Variants in CHODL observed in about 807,000 individuals in gnomAD.
CHODL encodes transmembrane protein MT75.
CHODL carries 29 observed loss-of-function variants against 34.5 expected under a neutral mutation model. The observed-to-expected ratio is 0.84, with a 90% confidence interval of 0.63 to 1.15. The LOEUF (loss-of-function observed/expected upper bound fraction) is 1.15. Among genes scored for constraint, CHODL ranks in the 50% most tolerant of loss-of-function variants. The probability of loss-of-function intolerance (pLI) is 0.00; values close to 1 mark genes in which losing one functional copy is unlikely to be tolerated. For synonymous variants in CHODL, 125 were observed against 116.1 expected, an observed-to-expected ratio of 1.08 and a Z score of -0.49; for missense variants, 332 against 332.5, an observed-to-expected ratio of 1.00 and a Z score of 0.01.
At chr21:18,202,998 T>C (rs2073672043) in intron 2 of CHODL, among the ~76,000 whole-genome samples, 1 of 152,210 alleles carries the variant, frequency 6.6e-6, no homozygotes, top group Non-Finnish European at 1.5e-5. Flanking sequence ...CTGTCTGATA[T>C]ACATAAAAAA....
intron 2 of CHODL, among the ~76,000 whole-genome samples, chr21:18,221,923 T>A (rs1458313411): frequency 6.6e-6 from 1 of 152,166 alleles, no homozygotes; most frequent in Non-Finnish European, 1.5e-5. Context: ...GAATGGTGGG[T>A]CTATCCTTGG....
chr21:18,067,442 G>A (rs1033655004), intron 2 of CHODL, among the ~76,000 whole-genome samples: 1 of 152,114 alleles, frequency 6.6e-6, no homozygotes, highest in African/African-American at 2.4e-5. Context: ...GGGAGAAACC[G>A]GGGTGATGTT....
chr21:18,246,498 T>A (rs373210803), intron 1 of CHODL, among the ~76,000 whole-genome samples: 64 of 152,318 alleles, frequency 4.2e-4, no homozygotes, highest in African/African-American at 1.4e-3. Context: ...AGTTCTTACA[T>A]GTGTAGTTAC....
chr21:17,930,788 T>G (rs2063266156), intron 1 of CHODL, among the ~76,000 whole-genome samples: 1 of 152,184 alleles, frequency 6.6e-6, no homozygotes. Context: ...CCCACCTGCA[T>G]GTACTGTAAG....
At chr21:18,215,176 G>A (rs903559500) in intron 2 of CHODL, among the ~76,000 whole-genome samples, 2 of 151,264 alleles carry the variant, frequency 1.3e-5, no homozygotes, top group East Asian at 1.9e-4. Context: ...AGAGAACTCA[G>A]GCTTATTTGC....
chr21:18,142,003 A>C (rs2072809469), intron 2 of CHODL, among the ~76,000 whole-genome samples: 1 of 152,124 alleles, frequency 6.6e-6, no homozygotes, highest in East Asian at 1.9e-4. Context: ...CTGTTTAATG[A>C]GTGTTATAAG....
chr21:18,044,127 G>T (rs1276312312), intron 2 of CHODL, among the ~76,000 whole-genome samples: 1 of 151,996 alleles, frequency 6.6e-6, no homozygotes, highest in African/African-American at 2.4e-5. Flanking sequence ...AAGGTAGAAA[G>T]TATTGGTAAA....
intron 1 of CHODL, among the ~76,000 whole-genome samples, chr21:17,983,302 A>G (rs1305360613): frequency 2.0e-5 from 3 of 152,232 alleles, no homozygotes; most frequent in Admixed American, 6.5e-5. Flanking sequence ...TAGAGCATTT[A>G]CATCATTTAA....
intron 2 of CHODL, among the ~76,000 whole-genome samples, chr21:18,075,307 T>C (rs1435121061): frequency 6.6e-6 from 1 of 152,202 alleles, no homozygotes; most frequent in East Asian, 1.9e-4. Context: ...TTCATGTCTG[T>C]GGTTTCAGGC....
At chr21:18,201,800 CTTTTT>C (rs547855975) in intron 2 of CHODL, among the ~76,000 whole-genome samples, 1 of 114,412 alleles carries the variant, frequency 8.7e-6, no homozygotes, top group African/African-American at 3.4e-5. Context: ...TTTTTAAAAA[CTTTTT>C]TTTTTTTTTT....
At chr21:18,242,840 A>G (rs2074094920), upstream of CHODL, among the ~76,000 whole-genome samples, 1 of 152,202 alleles carries the variant, frequency 6.6e-6, no homozygotes, top group Non-Finnish European at 1.5e-5. Context: ...AATACCATGA[A>G]GATCCTTCCT....
chr21:18,080,052 C>T (rs1220470619), intron 2 of CHODL, among the ~76,000 whole-genome samples: 2 of 151,956 alleles, frequency 1.3e-5, no homozygotes, highest in African/African-American at 4.8e-5. Context: ...GATGGTATCT[C>T]TTGTGGTTTT....
intron 2 of CHODL, among the ~76,000 whole-genome samples, chr21:18,032,898 T>A (rs2064264320): frequency 6.6e-6 from 1 of 152,004 alleles, no homozygotes; most frequent in South Asian, 2.1e-4. Context: ...AAATAGCTAT[T>A]GAGTGCTTAT....
intron 1 of CHODL, among the ~76,000 whole-genome samples, chr21:18,027,682 T>C (rs187825459): frequency 2.0e-5 from 3 of 152,302 alleles, no homozygotes; most frequent in Non-Finnish European, 4.4e-5. Context: ...CAGTTTGCTA[T>C]AGACTGAATG....
chr21:18,229,999 T>C (rs1336247672), intron 2 of CHODL, among the ~76,000 whole-genome samples: 1 of 152,136 alleles, frequency 6.6e-6, no homozygotes, highest in African/African-American at 2.4e-5. Flanking sequence ...TGGGGAATTA[T>C]ACTCCTCCCA....
At chr21:18,141,038 T>C (rs2072795049) in intron 2 of CHODL, among the ~76,000 whole-genome samples, 1 of 152,010 alleles carries the variant, frequency 6.6e-6, no homozygotes, top group Non-Finnish European at 1.5e-5. Flanking sequence ...AGTTACTGGG[T>C]GAGTCCAACT....
At chr21:18,263,900 C>CTTTTTT (rs2074413245) in intron 5 of CHODL, among the ~76,000 whole-genome samples, 2 of 140,392 alleles carry the variant, frequency 1.4e-5, no homozygotes, top group African/African-American at 5.6e-5. Flanking sequence ...ACATTAATAA[C>CTTTTTT]CTTTTTTTTT....
chr21:18,176,155 G>C (rs1259491489), intron 2 of CHODL, among the ~76,000 whole-genome samples: 1 of 152,092 alleles, frequency 6.6e-6, no homozygotes, highest in Non-Finnish European at 1.5e-5. Context: ...ATAAAAAGAA[G>C]ATCAAGGACT....
intron 1 of CHODL, chr21:18,024,744 C>G (rs887997904): frequency 6.6e-6 from 1 of 152,152 alleles, no homozygotes; most frequent in East Asian, 1.9e-4. Context: ...TATTGAGTAT[C>G]ATCCTCCTAG....
Sources: allele counts gnomAD v4.1 joint callset (sites outside exome capture counted in the v4.1 genomes callset), GRCh38; gene constraint gnomAD v4.1.1; transcripts MANE v1.5; gene names NCBI Gene and HGNC (gene_info 2026-07-23, HGNC 2026-07-21).